ALDH6A1: variants seen among roughly 807,000 people sequenced by gnomAD.
The protein encoded by ALDH6A1 is aldehyde dehydrogenase 6 family member A1, also known as methylmalonate-semialdehyde/malonate-semialdehyde dehydrogenase [acylating], mitochondrial.
ALDH6A1 carries 43 observed loss-of-function variants against 62.6 expected under a neutral mutation model. The ratio of observed to expected loss-of-function variants is 0.69; its 90% CI spans 0.54 to 0.89. The LOEUF (loss-of-function observed/expected upper bound fraction) is 0.89, where lower values mean the gene tolerates loss of function less well. Ranked by LOEUF, ALDH6A1 falls within the 40% of genes least tolerant of loss-of-function variation. The pLI, the probability that ALDH6A1 is intolerant of heterozygous loss-of-function variation, is 0.00. For synonymous variants in ALDH6A1, 194 were observed against 234.2 expected, an observed-to-expected ratio of 0.83 and a Z score of 1.57; for missense variants, 551 against 661.3, an observed-to-expected ratio of 0.83 and a Z score of 1.83.
intron 8 of ALDH6A1, 45 bp downstream of exon 8, chr14:74,067,335 G>C (rs1238660790): frequency 6.2e-7 from 1 of 1,608,222 alleles, no homozygotes; most frequent in East Asian, 2.2e-5. Flanking sequence ...AGAGCTTAAT[G>C]CCACAGATGC....
At chr14:74,070,815 C>A in intron 6 of ALDH6A1, 1 of 224,062 alleles carries the variant, frequency 4.5e-6, no homozygotes, top group South Asian at 7.0e-5. Flanking sequence ...AACACAGAAG[C>A]ACTATTTAAG....
At chr14:74,066,282 C>A (rs529689153) in intron 9 of ALDH6A1, among the ~76,000 whole-genome samples, 1 of 151,998 alleles carries the variant, frequency 6.6e-6, no homozygotes, top group African/African-American at 2.4e-5. Context: ...TGTACAGCCC[C>A]AAGTTAAAAA....
intron 10 of ALDH6A1, 83 bp downstream of exon 10, chr14:74,065,098 C>T (rs775846974): frequency 3.1e-5 from 48 of 1,543,198 alleles, no homozygotes; most frequent in Middle Eastern, 1.7e-4. Flanking sequence ...CAATCTTAAA[C>T]CAATGACTCA....
Position 74,084,356 on chromosome 14 carries a change from C to T in ALDH6A1, c.39G>A (p.Arg13=), listed in dbSNP as rs768586669. 2.2e-5 allele frequency: 36 copies of T among 1,613,404 alleles called. No homozygotes were observed. The African/African-American group carries it at 3.9e-4, about 17-fold the overall frequency. ...ALLAAAAVRA[R]ILQVSSKVKS... is the part of the protein sequence containing the mutation. ...CACCACCCTCACTCGCCTGCAGGATCCGGGCTCGCACTGCCGCCGCCGCCA... is the reference window on the plus strand; with the variant it reads ...CACCACCCTCACTCGCCTGCAGGATTCGGGCTCGCACTGCCGCCGCCGCCA... Residue 13 remains arginine (R), a synonymous_variant, in exon 1 of 12, where the codon CGG becomes CGA. Coordinates refer to ENST00000553458, the MANE Select transcript of ALDH6A1 (RefSeq NM_005589.4).
At position 74,058,572 on chromosome 14, in the gene ALDH6A1, C is replaced by T. The variant is rs2060270703; in HGVS notation, c.*2070G>A. 1 of 149,902 alleles carries T rather than the reference C, an allele frequency of 6.7e-6. No individual in the cohort carries two copies. The highest frequency in any genetic ancestry group is 1.5e-5 in the Non-Finnish European group (1 of 67,772). The allele number at this position is 149,902 out of a possible 1,614,324, so 9.3% of individuals were successfully genotyped here. On this transcript the variant is annotated 3_prime_UTR_variant, in exon 12 of 12. Coordinates refer to ENST00000553458, the MANE Select transcript of ALDH6A1 (RefSeq NM_005589.4). ...GTGGTAGTAATAAGCCTCAAATCCA[C>T]AGGGTACACAACATTTTCAAGGTCT... is the stretch of plus-strand genomic sequence containing the variant.
At chr14:74,084,295 G>C in intron 1 of ALDH6A1, 52 bp downstream of exon 1, 2 of 1,612,580 alleles carry the variant, frequency 1.2e-6, no homozygotes, top group South Asian at 2.2e-5. Flanking sequence ...GGGAGCGGAC[G>C]GAAAGGATCC....
In ALDH6A1 at chr14:74,059,267, G is replaced by T. The variant is rs542424036; in HGVS notation, c.*1375C>A. 2.6e-6 allele frequency: 1 copy of T among 385,312 alleles called. No homozygotes were observed. Among genetic ancestry groups the T allele is most frequent in the African/African-American group, 2.1e-5 (1 of 47,504 alleles). The allele number at this position is 385,312 out of a possible 1,614,324, so 23.9% of individuals were successfully genotyped here. On this transcript the variant is annotated 3_prime_UTR_variant, in exon 12 of 12. Transcript: ENST00000553458. The stretch of plus-strand genomic sequence containing the variant: ...TCACTAATTAGAAATACAGGCAAGA[G>T]AAAAGAATATATAAAATTTGGCAAG...
chr14:74,075,195 A>G (rs8017319), intron 1 of ALDH6A1, among the ~76,000 whole-genome samples, 178 bp from the exon 2 acceptor site: 4,932 of 152,312 alleles, frequency 0.032, 121 homozygotes, highest in Middle Eastern at 0.095. Flanking sequence ...ATGAACAAAC[A>G]ATAAACCATA....
At chr14:74,080,857 C>G (rs1220885627) in intron 1 of ALDH6A1, among the ~76,000 whole-genome samples, 1 of 152,204 alleles carries the variant, frequency 6.6e-6, no homozygotes, top group Non-Finnish European at 1.5e-5. Context: ...TTCCACTGCC[C>G]TTGGAATAAA....
chr14:74,066,125 G>T, intron 9 of ALDH6A1: 1 of 155,414 alleles, frequency 6.4e-6, no homozygotes, highest in Admixed American at 6.3e-5. Context: ...ATATTGGGTG[G>T]TTGATATATT....
At chr14:74,066,617 G>T in intron 9 of ALDH6A1, 88 bp downstream of exon 9, 2 of 1,289,782 alleles carry the variant, frequency 1.6e-6, no homozygotes, top group Non-Finnish European at 1.1e-6. Flanking sequence ...TAGTCATTAA[G>T]TATTTTCATT....
At chr14:74,075,128 C>T in intron 1 of ALDH6A1, 111 bp from the exon 2 acceptor site, 1 of 919,668 alleles carries the variant, frequency 1.1e-6, no homozygotes, top group Non-Finnish European at 1.7e-6. Context: ...GTATGTTTCT[C>T]TCAAAGGCCA....
At chr14:74,067,295 C>T in intron 8 of ALDH6A1, 85 bp downstream of exon 8, 1 of 1,439,352 alleles carries the variant, frequency 6.9e-7, no homozygotes, top group South Asian at 1.2e-5. Context: ...CATGATTGTT[C>T]CCACTGGCCA....
chr14:74,065,980 C>G (rs891481622), intron 9 of ALDH6A1: 6 of 155,978 alleles, frequency 3.8e-5, no homozygotes, highest in African/African-American at 1.4e-4. Flanking sequence ...CTTGATGATT[C>G]ACTATTATAG....
At chr14:74,072,165 G>A in intron 4 of ALDH6A1, 38 bp downstream of exon 4, 1 of 1,613,980 alleles carries the variant, frequency 6.2e-7, no homozygotes, top group Non-Finnish European at 8.5e-7. Flanking sequence ...CATGCCCTAG[G>A]TGACAGTTTG....
At position 74,072,575 on chromosome 14, in the gene ALDH6A1, C is replaced by T; in HGVS notation, c.148G>A (p.Glu50Lys). Residue 50 changes from glutamate to lysine, a missense_variant, in exon 3 of 12, where the codon GAA becomes AAA. Coordinates refer to ENST00000553458, the MANE Select transcript of ALDH6A1 (RefSeq NM_005589.4). ...VKLFIGGKFV[E>K]SKSDKWIDIH... Reference sequence around the variant, plus strand: ...TCGATCCATTTGTCACTTTTGGATTCAACGAATTTCCCACCAATGAAGAGC... The same window carrying T: ...TCGATCCATTTGTCACTTTTGGATTTAACGAATTTCCCACCAATGAAGAGC... The T allele has an allele frequency of 6.2e-7, 1 of 1,613,966 alleles. No individual in the cohort carries two copies. Among genetic ancestry groups the T allele is most frequent in the Non-Finnish European group, 8.5e-7 (1 of 1,180,008 alleles).
At chr14:74,068,761 A>G in intron 7 of ALDH6A1, 99 bp downstream of exon 7, 4 of 1,383,906 alleles carry the variant, frequency 2.9e-6, no homozygotes, top group Non-Finnish European at 4.1e-6. Flanking sequence ...AGAAACACTG[A>G]CATTGGAGTG....
In ALDH6A1 at chr14:74,067,448, A is replaced by C. The variant is rs770285660; in HGVS notation, c.974T>G (p.Leu325Arg). Residue 325 changes from leucine (L) to arginine (R), a missense_variant, in exon 8 of 12, where the codon CTT (leucine) becomes CGT (arginine). Coordinates refer to ENST00000553458, the MANE Select transcript of ALDH6A1 (RefSeq NM_005589.4). ...QRCMALSTAV[L>R]VGEAKKWLPE... ...CAGCCACTTCTTGGCTTCTCCCACA[A>C]GGACTGCTGTTGAAAGAGCCATGCA... 1 of 1,614,184 alleles carries C rather than the reference A, an allele frequency of 6.2e-7. No individual in the cohort carries two copies. The highest frequency in any genetic ancestry group is 1.1e-5 in the South Asian group (1 of 91,084).
chr14:74,076,135 G>A (rs2060610470), intron 1 of ALDH6A1, among the ~76,000 whole-genome samples: 1 of 152,152 alleles, frequency 6.6e-6, no homozygotes, highest in South Asian at 2.1e-4. Flanking sequence ...ATTTTCACAG[G>A]TGTATACAAA....
Sources: gnomAD v4.1 joint callset for allele counts (sites outside exome capture counted in the v4.1 genomes callset) on GRCh38, gnomAD v4.1.1 for gene constraint, MANE v1.5 for transcripts, NCBI Gene and HGNC (gene_info 2026-07-23, HGNC 2026-07-21) for gene names.